Variants in RIMS1 observed in about 807,000 individuals in gnomAD.
RIMS1 encodes regulating synaptic membrane exocytosis protein 1.
Under a neutral mutation model 214.1 loss-of-function variants are expected in RIMS1, and 83 were observed. The observed-to-expected ratio is 0.39, with a 90% CI of 0.32 to 0.47. RIMS1 has a LOEUF of 0.47. Ranked by LOEUF, RIMS1 falls within the 20% of genes least tolerant of loss-of-function variation. The pLI is 0.99. For synonymous variants in RIMS1, 793 were observed against 786.8 expected (o/e 1.01, Z -0.13); for missense variants, 2,050 against 2,161.8 (o/e 0.95, Z 1.03).
intron 2 of RIMS1, among the ~76,000 whole-genome samples, chr6:72,077,139 G>T: frequency 6.6e-6 from 1 of 152,086 alleles, no homozygotes; most frequent in Non-Finnish European, 1.5e-5. Context: ...TGGAAGGCGT[G>T]TTTCTCCTCG....
At chr6:72,389,863 C>T (rs1383842211) in intron 29 of RIMS1, among the ~76,000 whole-genome samples, 1 of 152,100 alleles carries the variant, frequency 6.6e-6, no homozygotes, top group African/African-American at 2.4e-5. Flanking sequence ...GAAAATTCCT[C>T]TGAGCTTATC....
chr6:72,200,482 T>C (rs2051750386), intron 6 of RIMS1, among the ~76,000 whole-genome samples: 1 of 152,218 alleles, frequency 6.6e-6, no homozygotes, highest in African/African-American at 2.4e-5. Context: ...TTCTGTAGTT[T>C]CTTCTTTAAT....
chr6:71,927,575 G>A (rs929116973), intron 1 of RIMS1, among the ~76,000 whole-genome samples: 3 of 152,064 alleles, frequency 2.0e-5, no homozygotes, highest in African/African-American at 7.2e-5. Context: ...ACTTGACTGT[G>A]TGAAAATATG....
At chr6:72,168,183 G>A (rs1402690260) in intron 4 of RIMS1, among the ~76,000 whole-genome samples, 1 of 152,072 alleles carries the variant, frequency 6.6e-6, no homozygotes, top group Admixed American at 6.6e-5. Flanking sequence ...TTGGGGAAAG[G>A]GTGTTAGCAG....
chr6:72,258,716 C>T (rs558127663), intron 17 of RIMS1, among the ~76,000 whole-genome samples: 1 of 152,192 alleles, frequency 6.6e-6, no homozygotes, highest in Admixed American at 6.6e-5. Context: ...CTTCATTTTA[C>T]TCTGATATAC....
intron 2 of RIMS1, among the ~76,000 whole-genome samples, chr6:71,970,196 A>G (rs535917683): frequency 6.6e-6 from 1 of 152,330 alleles, no homozygotes; most frequent in African/African-American, 2.4e-5. Context: ...TAGCAATAGT[A>G]AAAATGATTG....
intron 1 of RIMS1, among the ~76,000 whole-genome samples, chr6:71,940,943 G>GT (rs549206766): frequency 5.3e-5 from 8 of 151,452 alleles, no homozygotes; most frequent in Middle Eastern, 3.2e-3. Context: ...TAATTGCAAG[G>GT]TTTTTTTTTA....
intron 2 of RIMS1, among the ~76,000 whole-genome samples, chr6:72,066,483 C>T (rs1452080109): frequency 2.0e-5 from 3 of 152,148 alleles, no homozygotes; most frequent in Non-Finnish European, 2.9e-5. Context: ...TTTATCTCCT[C>T]GGCCAACCCA....
intron 6 of RIMS1, among the ~76,000 whole-genome samples, chr6:72,202,779 CATAA>C (rs1352915569): frequency 6.6e-6 from 1 of 152,054 alleles, no homozygotes; most frequent in Non-Finnish European, 1.5e-5. Flanking sequence ...ATCATGAGGA[CATAA>C]ATAAGTTTTA....
intron 29 of RIMS1, among the ~76,000 whole-genome samples, chr6:72,359,609 A>G (rs1182892765): frequency 6.6e-6 from 1 of 152,208 alleles, no homozygotes; most frequent in Non-Finnish European, 1.5e-5. Context: ...TTAAATTAAC[A>G]TATAGCACCC....
intron 1 of RIMS1, among the ~76,000 whole-genome samples, chr6:71,887,970 C>T (rs1768347973): frequency 6.6e-6 from 1 of 152,170 alleles, no homozygotes; most frequent in Non-Finnish European, 1.5e-5. Context: ...CTGTTCAGTT[C>T]CTGGAGGAAA....
chr6:72,014,090 A>G (rs139768873), intron 2 of RIMS1, among the ~76,000 whole-genome samples: 1 of 152,344 alleles, frequency 6.6e-6, no homozygotes, highest in African/African-American at 2.4e-5. Flanking sequence ...AAGAGGTTTG[A>G]TTGACTTACA....
chr6:72,314,928 G>T (rs79574566), intron 28 of RIMS1, among the ~76,000 whole-genome samples: 2,682 of 152,186 alleles, frequency 0.018, 39 homozygotes, highest in African/African-American at 0.038. Flanking sequence ...CTTTAAAGTA[G>T]TACTAGTGAA....
Position 72,092,406 on chromosome 6 carries a change from G to A in RIMS1, c.246-4543G>A, listed in dbSNP as rs562072435. Among the ~76,000 whole-genome samples, 4 of 151,796 alleles carry A rather than the reference G, an allele frequency of 2.6e-5. No homozygotes were observed. The South Asian group carries it at 6.2e-4, about 24-fold the overall frequency. On this transcript the variant is annotated intron_variant, in intron 2 of 33. Transcript: ENST00000521978. ...GACCTGAGTTGGACTTTTTCTTCCA[G>A]AGCAGAATAAGAGAATCTTATCTGT...
chr6:72,217,763 G>A lies in RIMS1; in HGVS notation c.1679-16010G>A, dbSNP rs575539417. Among the ~76,000 whole-genome samples the A allele has an allele frequency of 4.6e-5, 7 of 152,222 alleles. No homozygotes were observed. In the South Asian group the frequency reaches 8.3e-4, roughly 18 times the overall value. ...CATTCGTGGAAATGCCTGTGTTTTCGGTGATGTTAAGCTGTGGACTAAAGG... is the reference window on the plus strand; with the variant it reads ...CATTCGTGGAAATGCCTGTGTTTTCAGTGATGTTAAGCTGTGGACTAAAGG... On this transcript the variant is annotated intron_variant, in intron 6 of 33. Transcript: ENST00000521978.
chr6:72,136,094 G>A (rs2041234211), intron 4 of RIMS1, among the ~76,000 whole-genome samples: 1 of 152,138 alleles, frequency 6.6e-6, no homozygotes. Context: ...AAAGTCAATA[G>A]AACTGGTAAA....
chr6:72,331,727 G>A (rs1462022799), intron 28 of RIMS1, among the ~76,000 whole-genome samples: 1 of 151,896 alleles, frequency 6.6e-6, no homozygotes. Flanking sequence ...ACTCTCATTT[G>A]TGTCTCAAAA....
intron 29 of RIMS1, among the ~76,000 whole-genome samples, chr6:72,386,044 A>G (rs2098596080): frequency 6.6e-6 from 1 of 152,196 alleles, no homozygotes; most frequent in Non-Finnish European, 1.5e-5. Context: ...TCAAGTAAAT[A>G]TAAAAGAAAA....
Position 72,398,989 on chromosome 6 carries a change from G to A in RIMS1, c.4755G>A (p.Gly1585=). 1 of 1,605,092 alleles carries A rather than the reference G, an allele frequency of 6.2e-7. No homozygotes were observed. Among genetic ancestry groups the A allele is most frequent in the Non-Finnish European group, 8.5e-7 (1 of 1,172,876 alleles). ...TCAAAGTATATCTTTTGGAAAATGG[G>A]GCCTGTATAGCCAAGAAGAAGACAA... ...PYVKVYLLEN[G]ACIAKKKTRI... is the part of the protein sequence containing the mutation. The change falls in exon 33 of 34, where the codon GGG becomes GGA. Residue 1585 remains glycine, a synonymous_variant. Coordinates refer to ENST00000521978, the MANE Select transcript of RIMS1 (RefSeq NM_014989.7).
Sources: gnomAD v4.1 joint callset for allele counts (sites outside exome capture counted in the v4.1 genomes callset) on GRCh38, gnomAD v4.1.1 for gene constraint, MANE v1.5 for transcripts, NCBI Gene and HGNC (gene_info 2026-07-23, HGNC 2026-07-21) for gene names.